ENTPD5: variants seen among roughly 807,000 people sequenced by gnomAD.
ENTPD5 encodes nucleoside diphosphate phosphatase ENTPD5.
A neutral mutation model predicts 60.2 loss-of-function variants in ENTPD5; 49 were observed. The ratio of observed to expected loss-of-function variants is 0.81; its 90% CI spans 0.65 to 1.03. The LOEUF is 1.03. Ranked by LOEUF, ENTPD5 falls within the 50% of genes least tolerant of loss-of-function variation. ENTPD5 has a pLI of 0.00. For synonymous variants in ENTPD5, 187 were observed against 185.4 expected, an observed-to-expected ratio of 1.01 and a Z score of -0.07; for missense variants, 480 against 507.6, an observed-to-expected ratio of 0.95 and a Z score of 0.52.
chr14:73,958,918 G>C, downstream of ENTPD5: 1 of 1,608,300 alleles, frequency 6.2e-7, no homozygotes, highest in Non-Finnish European at 8.5e-7. Context: ...AAAAACTTCT[G>C]AAGCAGTTTA....
chr14:73,981,922 T>C (rs11624284), intron 6 of ENTPD5, among the ~76,000 whole-genome samples: 61,213 of 152,010 alleles, frequency 0.4, 13,402 homozygotes, highest in South Asian at 0.49. Flanking sequence ...TAATTCCATT[T>C]ATATGAAAAG....
intron 3 of ENTPD5, among the ~76,000 whole-genome samples, chr14:73,990,597 G>T (rs1471365004): frequency 6.6e-6 from 1 of 151,854 alleles, no homozygotes; most frequent in Non-Finnish European, 1.5e-5. Flanking sequence ...CCAAAGTGCT[G>T]GGATTCCAGG....
intron 3 of ENTPD5, among the ~76,000 whole-genome samples, chr14:73,991,619 A>C (rs929109908): frequency 1.1e-4 from 15 of 130,548 alleles, no homozygotes; most frequent in Admixed American, 8.1e-4. Flanking sequence ...AAAAAAAAAA[A>C]AAAAAAACAA....
At chr14:73,979,731 A>G (rs553742451) in intron 6 of ENTPD5, among the ~76,000 whole-genome samples, 1 of 152,124 alleles carries the variant, frequency 6.6e-6, no homozygotes, top group Non-Finnish European at 1.5e-5. Flanking sequence ...TTGGCCTCCC[A>G]AAGTGCTGGG....
At chr14:74,008,356 T>C (rs1566768075) in intron 3 of ENTPD5, among the ~76,000 whole-genome samples, 1 of 151,928 alleles carries the variant, frequency 6.6e-6, no homozygotes, top group Non-Finnish European at 1.5e-5. Context: ...TCAAATGATA[T>C]AGCCTTTTAT....
At chr14:73,977,653 A>G (rs917588527) in intron 6 of ENTPD5, among the ~76,000 whole-genome samples, 1 of 152,220 alleles carries the variant, frequency 6.6e-6, no homozygotes, top group African/African-American at 2.4e-5. Flanking sequence ...GGAAAGGCAT[A>G]TATTTAACCC....
At chr14:73,969,910 A>T in intron 15 of ENTPD5, 100 bp downstream of exon 15, 1 of 842,688 alleles carries the variant, frequency 1.2e-6, no homozygotes, top group Non-Finnish European at 2.0e-6. Context: ...AATACCTCAT[A>T]ATTTCACTTC....
chr14:73,981,482 GA>G (rs201430544), intron 6 of ENTPD5, among the ~76,000 whole-genome samples: 5 of 144,252 alleles, frequency 3.5e-5, no homozygotes, highest in African/African-American at 7.7e-5. Context: ...CTGGGTAACA[GA>G]AAAAAAAAAT....
intron 3 of ENTPD5, among the ~76,000 whole-genome samples, chr14:73,999,037 A>G (rs963663415): frequency 6.6e-6 from 1 of 152,064 alleles, no homozygotes; most frequent in African/African-American, 2.4e-5. Context: ...AGGACCACTC[A>G]ATTGCTTAAT....
intron 3 of ENTPD5, among the ~76,000 whole-genome samples, chr14:74,008,013 T>C (rs2058734007): frequency 6.6e-6 from 1 of 151,632 alleles, no homozygotes. Flanking sequence ...TTGTATTTTT[T>C]AGTAAAGATG....
At chr14:74,008,438 G>T (rs1178483318) in intron 3 of ENTPD5, among the ~76,000 whole-genome samples, 1 of 150,560 alleles carries the variant, frequency 6.6e-6, no homozygotes, top group Non-Finnish European at 1.5e-5. Context: ...GCCCAGGCTG[G>T]AGTGCAGTGG....
At chr14:74,018,180 A>G (rs2059113394) in intron 1 of ENTPD5, among the ~76,000 whole-genome samples, 1 of 84,798 alleles carries the variant, frequency 1.2e-5, no homozygotes, top group Non-Finnish European at 2.8e-5. Context: ...TCTCTCTCAG[A>G]AAAAAAAAAA....
Position 73,972,639 on chromosome 14 carries a change from G to A in ENTPD5, c.1027+245C>T, listed in dbSNP as rs560591898. ...AAAACTTAAATTGTATACTTTAAAT[G>A]TGCACTTATTGTATGCCAATTATAC... On this transcript the variant is annotated intron_variant, in intron 13 of 15. Transcript: ENST00000334696. Among the ~76,000 whole-genome samples, 171 of 151,504 alleles carry A rather than the reference G, an allele frequency of 1.1e-3. 1 individual carries two copies. The highest frequency in any genetic ancestry group is 1.3e-3 in the Non-Finnish European group (89 of 67,932).
chr14:73,988,172 G>A lies in ENTPD5; in HGVS notation c.-70C>T. ...CAATCCTGCTCGCACACCTGCAGAG[G>A]CTTATAGGACAAAGACACACAAGTT... On this transcript the variant is annotated splice_region_variant and 5_prime_UTR_variant, in exon 4 of 16. Transcript: ENST00000334696. The A allele has an allele frequency of 3.3e-6, 5 of 1,522,994 alleles. No individual in the cohort carries two copies. The highest frequency in any genetic ancestry group is 1.4e-5 in the African/African-American group (1 of 72,250). 94.3% of individuals were successfully genotyped at this position (1,522,994 alleles called of 1,614,324 possible). A position where few individuals can be genotyped will look rare whatever the true frequency, so the allele number is the denominator to read the frequency against.
At chr14:73,984,710 ATTT>A (rs2057829521) in intron 5 of ENTPD5, among the ~76,000 whole-genome samples, 1 of 151,732 alleles carries the variant, frequency 6.6e-6, no homozygotes, top group Admixed American at 6.6e-5. Flanking sequence ...TAATTAATTA[ATTT>A]ATTTATTTAC....
chr14:73,961,468 A>G, downstream of ENTPD5: 2 of 1,614,224 alleles, frequency 1.2e-6, no homozygotes, highest in Non-Finnish European at 1.7e-6. Flanking sequence ...TGCAGCCCAC[A>G]GAGTCCATCC....
rs1239428846 is a variant in ENTPD5 at position 73,966,149 on chromosome 14, G to A, written c.*779C>T. 2 of 152,198 alleles carry A rather than the reference G, an allele frequency of 1.3e-5. No homozygotes were observed. Among genetic ancestry groups the A allele is most frequent in the Non-Finnish European group, 1.5e-5 (1 of 68,032 alleles). 9.4% of individuals were successfully genotyped at this position (152,198 alleles called of 1,614,324 possible). On this transcript the variant is annotated 3_prime_UTR_variant, in exon 16 of 16. Transcript: ENST00000334696. ...ACACTGTTAACACATTAGCCTGGGA[G>A]GTGGTACTGGCACTGAATATACACA...
chr14:73,978,722 C>A (rs930996690), intron 6 of ENTPD5, among the ~76,000 whole-genome samples: 6 of 151,912 alleles, frequency 3.9e-5, no homozygotes, highest in African/African-American at 1.5e-4. Context: ...ACCAGCCTGA[C>A]CAACATGGTG....
chr14:73,981,980 T>C (rs2057709628), intron 6 of ENTPD5, among the ~76,000 whole-genome samples: 1 of 152,194 alleles, frequency 6.6e-6, no homozygotes, highest in Non-Finnish European at 1.5e-5. Flanking sequence ...GATTGGTTGG[T>C]TTCAGGGGTG....
Sources: allele counts gnomAD v4.1 joint callset (sites outside exome capture counted in the v4.1 genomes callset), GRCh38; gene constraint gnomAD v4.1.1; transcripts MANE v1.5; gene names NCBI Gene and HGNC (gene_info 2026-07-23, HGNC 2026-07-21).